DLGAP2: variants seen among roughly 807,000 people sequenced by gnomAD.
The protein encoded by DLGAP2 is disks large-associated protein 2.
DLGAP2 carries 26 observed loss-of-function variants against 100.3 expected under a neutral mutation model. The observed-to-expected ratio is 0.26, with a 90% CI of 0.19 to 0.36. The LOEUF (loss-of-function observed/expected upper bound fraction) is 0.36. Among genes scored for constraint, DLGAP2 ranks in the 10% least tolerant of loss-of-function variants. DLGAP2 has a pLI of 1.00. For missense variants in DLGAP2, 1,858 were observed against 1,453.2 expected (o/e 1.28, Z -4.53); for synonymous variants, 886 against 630.1 (o/e 1.41, Z -6.08).
chr8:1,410,717 G>A (rs1174251811), intron 3 of DLGAP2, among the ~76,000 whole-genome samples: 2 of 152,260 alleles, frequency 1.3e-5, no homozygotes, highest in African/African-American at 2.4e-5. Context: ...CAAACCCCAC[G>A]TCCAGGTCAA....
Position 1,009,972 on chromosome 8 carries a change from G to A in DLGAP2, c.73+102006G>A, listed in dbSNP as rs576351648. On this transcript the variant is annotated intron_variant, in intron 2 of 14. Transcript: ENST00000637795. ...TTGATTGAAACAATGGAAGCTGCTA[G>A]CACAACTTATCTTTCTGAAGAAGTT... Among the ~76,000 whole-genome samples the A allele has an allele frequency of 3.3e-5, 5 of 152,330 alleles. No homozygotes were observed. In the East Asian group the frequency reaches 9.6e-4, roughly 29 times the overall value.
intron 3 of DLGAP2, among the ~76,000 whole-genome samples, chr8:1,306,679 G>A (rs1022971496): frequency 6.6e-6 from 1 of 152,060 alleles, no homozygotes; most frequent in Non-Finnish European, 1.5e-5. Context: ...GTGTGGTTAA[G>A]TGCTGGCATA....
intron 2 of DLGAP2, among the ~76,000 whole-genome samples, chr8:1,113,950 A>G (rs1045906722): frequency 7.2e-5 from 11 of 152,200 alleles, no homozygotes; most frequent in Non-Finnish European, 1.3e-4. Context: ...ATCTATTGAG[A>G]CAATCATATG....
chr8:1,078,397 T>C (rs1803694197), intron 2 of DLGAP2, among the ~76,000 whole-genome samples: 1 of 152,192 alleles, frequency 6.6e-6, no homozygotes, highest in South Asian at 2.1e-4. Flanking sequence ...GAGGAACCAG[T>C]ATTGATCCAT....
chr8:1,174,032 C>G (rs13267567), intron 2 of DLGAP2, among the ~76,000 whole-genome samples: 2 of 151,898 alleles, frequency 1.3e-5, no homozygotes, highest in Non-Finnish European at 1.5e-5. Flanking sequence ...CTCCTCCGCT[C>G]GATCCCATTG....
intron 13 of DLGAP2, 98 bp downstream of exon 13, chr8:1,691,724 A>G: frequency 9.4e-7 from 1 of 1,067,664 alleles, no homozygotes; most frequent in Non-Finnish European, 1.4e-6. Flanking sequence ...AAGAGTTCCC[A>G]TCGGTATGCG....
At chr8:981,579 C>T (rs1048450074) in intron 2 of DLGAP2, among the ~76,000 whole-genome samples, 11 of 152,068 alleles carry the variant, frequency 7.2e-5, no homozygotes, top group Admixed American at 3.3e-4. Context: ...GCATCCTCTC[C>T]GATATGGTAT....
chr8:1,012,150 G>T (rs991163558), intron 2 of DLGAP2, among the ~76,000 whole-genome samples: 1 of 152,148 alleles, frequency 6.6e-6, no homozygotes, highest in African/African-American at 2.4e-5. Context: ...CCCTTGCTAG[G>T]CTGTGTGATT....
intron 3 of DLGAP2, among the ~76,000 whole-genome samples, chr8:1,493,433 G>A (rs913230541): frequency 5.3e-5 from 8 of 152,160 alleles, no homozygotes; most frequent in African/African-American, 1.9e-4. Flanking sequence ...CATCTCCCTG[G>A]CTTTCAGACA....
rs546876457 is a variant in DLGAP2, at chr8:1,269,217, G to T, written c.106+10334G>T. Among the ~76,000 whole-genome samples, 5 of 152,234 alleles carry T rather than the reference G, an allele frequency of 3.3e-5. No individual in the cohort carries two copies. In the South Asian group the frequency reaches 8.3e-4, roughly 25 times the overall value. ...TCTCCTGGATTTTCTTGATTTTCCTGCCTGCATTTCACAGCAGTAAATGAG... is the reference window on the plus strand; with the variant it reads ...TCTCCTGGATTTTCTTGATTTTCCTTCCTGCATTTCACAGCAGTAAATGAG... On this transcript the variant is annotated intron_variant, in intron 3 of 14. Coordinates refer to ENST00000637795, the MANE Select transcript of DLGAP2 (RefSeq NM_001346810.2).
intron 2 of DLGAP2, among the ~76,000 whole-genome samples, chr8:1,039,451 T>C (rs1384325551): frequency 2.3e-5 from 3 of 128,728 alleles, no homozygotes; most frequent in African/African-American, 5.9e-5. Flanking sequence ...TGTGTGTGGT[T>C]GGCTCGGTAT....
At position 1,409,080 on chromosome 8, in the gene DLGAP2, C is replaced by T. The variant is rs142312370; in HGVS notation, c.107-92286C>T. ...CCAACCCCTTCCTCACTGTAGCAGG[C>T]GCCCGGCTCCCCTTGGACCACTGCC... On this transcript the variant is annotated intron_variant, in intron 3 of 14. Transcript: ENST00000637795. Among the ~76,000 whole-genome samples, 1,331 of 152,122 alleles carry T rather than the reference C, an allele frequency of 8.7e-3. 16 individuals are homozygous for T. Among genetic ancestry groups the T allele is most frequent in the African/African-American group, 0.03 (1,258 of 41,492 alleles).
chr8:1,172,859 C>T (rs1270730697), intron 2 of DLGAP2, among the ~76,000 whole-genome samples: 1 of 152,224 alleles, frequency 6.6e-6, no homozygotes, highest in Non-Finnish European at 1.5e-5. Flanking sequence ...GTTTGATCGT[C>T]TGAACCCTTC....
intron 2 of DLGAP2, among the ~76,000 whole-genome samples, chr8:972,190 C>T (rs1028641622): frequency 2.6e-5 from 4 of 152,212 alleles, no homozygotes; most frequent in African/African-American, 9.6e-5. Context: ...ACATAAATCT[C>T]ACCCTAAAGT....
At chr8:933,185 A>T (rs1053211069) in intron 2 of DLGAP2, among the ~76,000 whole-genome samples, 2 of 152,238 alleles carry the variant, frequency 1.3e-5, no homozygotes, top group Non-Finnish European at 2.9e-5. Flanking sequence ...TGTGACGGGA[A>T]TTCAGGCCTC....
intron 1 of DLGAP2, chr8:740,068 G>A (rs1820444786): frequency 6.6e-6 from 1 of 152,206 alleles, no homozygotes; most frequent in Non-Finnish European, 1.5e-5. Context: ...CCGTGTTCTT[G>A]GGTAAGCAGT....
intron 6 of DLGAP2, among the ~76,000 whole-genome samples, chr8:1,618,896 A>C (rs1797241935): frequency 6.6e-6 from 1 of 152,118 alleles, no homozygotes. Context: ...CCTCCTCTAA[A>C]TTGTGGCAAA....
intron 1 of DLGAP2, among the ~76,000 whole-genome samples, chr8:836,840 A>G (rs1796887337): frequency 6.6e-6 from 1 of 152,282 alleles, no homozygotes; most frequent in South Asian, 2.1e-4. Flanking sequence ...CCGAAGGACC[A>G]TACCAGACTC....
intron 2 of DLGAP2, among the ~76,000 whole-genome samples, chr8:1,084,669 C>T (rs754908119): frequency 1.3e-5 from 2 of 152,332 alleles, no homozygotes; most frequent in South Asian, 2.1e-4. Context: ...AGCGTGATAT[C>T]CTCCCATTCC....
Sources: allele counts gnomAD v4.1 joint callset (sites outside exome capture counted in the v4.1 genomes callset), GRCh38; gene constraint gnomAD v4.1.1; transcripts MANE v1.5; gene names NCBI Gene and HGNC (gene_info 2026-07-23, HGNC 2026-07-21).